Variants in ADGRD1 observed in about 807,000 individuals in gnomAD.
The protein encoded by ADGRD1 is G-protein coupled receptor 133.
Under a neutral mutation model 113.4 loss-of-function variants are expected in ADGRD1, and 77 were observed. That is an observed-to-expected ratio of 0.68 (90% CI 0.57 to 0.82). ADGRD1 has a LOEUF of 0.82. ADGRD1 is among the 40% of genes least tolerant of loss of function. ADGRD1 has a pLI of 0.00. For synonymous variants in ADGRD1, 474 were observed against 475.0 expected (o/e 1.00, Z 0.03); for missense variants, 1,036 against 1,139.1 (o/e 0.91, Z 1.30).
chr12:131,062,653 G>T (rs1884427107), intron 13 of ADGRD1, among the ~76,000 whole-genome samples: 1 of 152,074 alleles, frequency 6.6e-6, no homozygotes, highest in Admixed American at 6.6e-5. Context: ...CTTACCTGCC[G>T]CCATGTAAGA....
chr12:131,068,108 C>G (rs1186759104), intron 13 of ADGRD1, among the ~76,000 whole-genome samples: 3 of 152,216 alleles, frequency 2.0e-5, no homozygotes, highest in South Asian at 2.1e-4. Context: ...CAGCCACTTT[C>G]CTGAGGCCAC....
At chr12:131,068,176 TC>T (rs1884872379) in intron 13 of ADGRD1, among the ~76,000 whole-genome samples, 1 of 152,172 alleles carries the variant, frequency 6.6e-6, no homozygotes, top group African/African-American at 2.4e-5. Flanking sequence ...AAACTTGGAA[TC>T]CCGGACAGGC....
intron 8 of ADGRD1, among the ~76,000 whole-genome samples, chr12:130,999,195 G>C (rs542714852): frequency 6.6e-6 from 1 of 152,168 alleles, no homozygotes; most frequent in Non-Finnish European, 1.5e-5. Flanking sequence ...AATCTGGCCC[G>C]TTGCTTGCTT....
chr12:131,136,546 C>T (rs942989105), intron 22 of ADGRD1, among the ~76,000 whole-genome samples: 5 of 152,216 alleles, frequency 3.3e-5, no homozygotes, highest in East Asian at 1.9e-4. Context: ...ACTTGGGATG[C>T]GCAGGGTCAG....
At chr12:131,118,588 G>A (rs4759847) in intron 19 of ADGRD1, 137 bp downstream of exon 19, 152,684 of 584,998 alleles carry the variant, frequency 0.26, 21,825 homozygotes, top group South Asian at 0.36. Context: ...AGGCCCAGCC[G>A]GTGAGAAAGT....
intron 15 of ADGRD1, among the ~76,000 whole-genome samples, chr12:131,102,248 C>A (rs1950104540): frequency 1.3e-5 from 2 of 152,210 alleles, no homozygotes. Context: ...CCTTCACCCA[C>A]CGCGGCTATG....
chr12:130,992,522 G>C, intron 8 of ADGRD1, 130 bp downstream of exon 8: 4 of 830,726 alleles, frequency 4.8e-6, no homozygotes, highest in Non-Finnish European at 3.8e-6. Flanking sequence ...TGGGTTTCAG[G>C]CTTCTCATGA....
chr12:131,094,037 CCTCA>C, intron 15 of ADGRD1, among the ~76,000 whole-genome samples: 1 of 149,544 alleles, frequency 6.7e-6, no homozygotes, highest in South Asian at 2.2e-4. Flanking sequence ...CAGCACCCAG[CCTCA>C]GTCCCCAGCC....
chr12:131,139,351 C>G lies in ADGRD1; in HGVS notation c.*88C>G. ...TGCCCCACCTTTGCCCATGGACCCTCTCCTTGCTGCTGTCTGGACATGGGT... is the reference window on the plus strand; with the variant it reads ...TGCCCCACCTTTGCCCATGGACCCTGTCCTTGCTGCTGTCTGGACATGGGT... On this transcript the variant is annotated 3_prime_UTR_variant, in exon 25 of 25. Transcript: ENST00000261654. 1.1e-6 allele frequency: 1 copy of G among 871,814 alleles called. No individual in the cohort carries two copies. Among genetic ancestry groups the G allele is most frequent in the Non-Finnish European group, 1.8e-6 (1 of 547,380 alleles). 54.0% of individuals were successfully genotyped at this position (871,814 alleles called of 1,614,324 possible).
At chr12:130,961,789 A>T (rs1021052432) in intron 2 of ADGRD1, among the ~76,000 whole-genome samples, 1 of 152,164 alleles carries the variant, frequency 6.6e-6, no homozygotes, top group African/African-American at 2.4e-5. Flanking sequence ...GTTTTATTTT[A>T]AAAAATTGCT....
chr12:131,055,405 T>C (rs1056376066), intron 13 of ADGRD1, among the ~76,000 whole-genome samples: 10 of 152,236 alleles, frequency 6.6e-5, no homozygotes, highest in South Asian at 4.1e-4. Context: ...GCGTTCGGGA[T>C]GGGCTCATGT....
intron 20 of ADGRD1, among the ~76,000 whole-genome samples, chr12:131,121,657 G>T (rs1950597801): frequency 6.6e-6 from 1 of 152,208 alleles, no homozygotes; most frequent in African/African-American, 2.4e-5. Context: ...TGGGATTACA[G>T]GCGTGAGCCA....
intron 13 of ADGRD1, among the ~76,000 whole-genome samples, chr12:131,046,853 TCC>T (rs146555437): frequency 1.8e-5 from 2 of 112,000 alleles, no homozygotes; most frequent in Non-Finnish European, 1.8e-5. Flanking sequence ...GTCAGTGTCC[TCC>T]CTGGTCAGTG....
chr12:130,992,915 C>T (rs1874618954), intron 8 of ADGRD1, among the ~76,000 whole-genome samples: 1 of 152,076 alleles, frequency 6.6e-6, no homozygotes, highest in Non-Finnish European at 1.5e-5. Context: ...ATCGTGGGCT[C>T]TCGTGGACTT....
rs1030019856 is a variant in ADGRD1, at chr12:130,984,400, C to T, written c.490+2337C>T. Among the ~76,000 whole-genome samples, 5 of 152,138 alleles carry T rather than the reference C, an allele frequency of 3.3e-5. No individual in the cohort carries two copies. Among genetic ancestry groups the T allele is most frequent in the African/African-American group, 9.7e-5 (4 of 41,422 alleles). On this transcript the variant is annotated intron_variant, in intron 5 of 24. Coordinates refer to ENST00000261654, the MANE Select transcript of ADGRD1 (RefSeq NM_198827.5). The surrounding 1 kb of genome is among the most constrained non-coding windows in gnomAD (Gnocchi z 4.1). ...GGGAAAGCTCGTTACTGTGCTTACC[C>T]GCTCCCTGGCCTCTGCAGACTGGGT...
chr12:131,043,992 C>T lies in ADGRD1; in HGVS notation c.1473+29652C>T, dbSNP rs542592739. On this transcript the variant is annotated intron_variant, in intron 13 of 24. Transcript: ENST00000261654. ...ATTTGGCCGGGCCACTAGAGGTTCC[C>T]TGGTTCTACCAGGCGTCAAGACAGC... 2.3e-4 allele frequency among the ~76,000 whole-genome samples: 35 copies of T among 152,268 alleles called. No homozygotes were observed. In the East Asian group the frequency reaches 6.2e-3, roughly 27 times the overall value.
Position 131,128,214 on chromosome 12 carries a change from T to C in ADGRD1, c.2176-3511T>C, listed in dbSNP as rs1469436376. 4.0e-5 allele frequency among the ~76,000 whole-genome samples: 6 copies of C among 148,622 alleles called. 1 individual carries two copies. Among genetic ancestry groups the C allele is most frequent in the Middle Eastern group, 6.9e-3 (2 of 290 alleles). ...TGGGATTCTGAGCTCAGGTGGGGTGTTGGTTGGGTTGGTTGTGATGGGACC... is the reference window on the plus strand; with the variant it reads ...TGGGATTCTGAGCTCAGGTGGGGTGCTGGTTGGGTTGGTTGTGATGGGACC... On this transcript the variant is annotated intron_variant, in intron 20 of 24. Coordinates refer to ENST00000261654, the MANE Select transcript of ADGRD1 (RefSeq NM_198827.5).
At chr12:131,038,876 A>G (rs1251322325) in intron 13 of ADGRD1, among the ~76,000 whole-genome samples, 2 of 152,200 alleles carry the variant, frequency 1.3e-5, no homozygotes, top group Non-Finnish European at 2.9e-5. Flanking sequence ...AATAATTGCA[A>G]AACATAAAAG....
chr12:131,034,504 A>T (rs182350386), intron 13 of ADGRD1, among the ~76,000 whole-genome samples: 102 of 152,216 alleles, frequency 6.7e-4, no homozygotes, highest in African/African-American at 2.2e-3. Context: ...TGTCTCCTTC[A>T]CTAGAAAGTA....
Sources: gnomAD v4.1 joint callset for allele counts (sites outside exome capture counted in the v4.1 genomes callset) on GRCh38, gnomAD v4.1.1 for gene constraint, Gnocchi (gnomAD v3.1) non-coding constraint, MANE v1.5 for transcripts, NCBI Gene and HGNC (gene_info 2026-07-23, HGNC 2026-07-21) for gene names.